The following TAFA5 variants were observed in gnomAD, a reference collection of about 807,000 sequenced individuals.
TAFA5 encodes TAFA chemokine like family member 5, also known as chemokine-like protein TAFA-5.
In TAFA5, 6 loss-of-function variants were observed where a neutral mutation model predicts 15.3. The observed-to-expected ratio is 0.39, with a 90% confidence interval of 0.21 to 0.77. The LOEUF is 0.77. Ranked by LOEUF, TAFA5 falls within the 30% of genes least tolerant of loss-of-function variation. The pLI is 0.41. For missense variants in TAFA5, 161 were observed against 193.1 expected (o/e 0.83, Z 0.98); for synonymous variants, 103 against 80.7 (o/e 1.28, Z -1.48).
At chr22:48,678,458 C>T (rs1306943738) in intron 2 of TAFA5, among the ~76,000 whole-genome samples, 5 of 152,236 alleles carry the variant, frequency 3.3e-5, no homozygotes, top group East Asian at 3.9e-4. Flanking sequence ...GGGCACCAGG[C>T]GAGAATGCTG....
intron 2 of TAFA5, among the ~76,000 whole-genome samples, chr22:48,652,291 A>G (rs1284489635): frequency 6.6e-6 from 1 of 152,232 alleles, no homozygotes; most frequent in African/African-American, 2.4e-5. Context: ...GTCAGCCTGC[A>G]TCTACCAGTT....
chr22:48,683,432 C>G (rs771852635), intron 2 of TAFA5, among the ~76,000 whole-genome samples: 1 of 152,218 alleles, frequency 6.6e-6, no homozygotes, highest in Admixed American at 6.5e-5. Flanking sequence ...CTCCTCTCAC[C>G]TATTTTGCTT....
At chr22:48,563,053 G>A (rs774729228) in intron 1 of TAFA5, among the ~76,000 whole-genome samples, 5 of 152,208 alleles carry the variant, frequency 3.3e-5, no homozygotes, top group African/African-American at 1.2e-4. Context: ...CTGCACAGCC[G>A]CAACTGACCT....
intron 3 of TAFA5, among the ~76,000 whole-genome samples, chr22:48,749,576 G>A (rs1377377521): frequency 6.6e-6 from 1 of 152,210 alleles, no homozygotes; most frequent in South Asian, 2.1e-4. Flanking sequence ...AGTGGGGTGG[G>A]AAGGCCTCTG....
chr22:48,711,173 G>A (rs542712940), intron 3 of TAFA5, among the ~76,000 whole-genome samples: 1 of 152,138 alleles, frequency 6.6e-6, no homozygotes, highest in Non-Finnish European at 1.5e-5. Context: ...GAGGAAGGAC[G>A]GCTGTCCACT....
At chr22:48,726,987 G>T (rs749752128) in intron 3 of TAFA5, among the ~76,000 whole-genome samples, 7 of 152,110 alleles carry the variant, frequency 4.6e-5, no homozygotes, top group South Asian at 2.1e-4. Flanking sequence ...TGTATCTTCC[G>T]TACGGGGTCA....
In TAFA5 at chr22:48,556,763, C is replaced by G. The variant is rs1036398277; in HGVS notation, c.112+67059C>G. Among the ~76,000 whole-genome samples, 6 of 152,052 alleles carry G rather than the reference C, an allele frequency of 3.9e-5. No homozygotes were observed. In the East Asian group the frequency reaches 1.2e-3, roughly 29 times the overall value. On this transcript the variant is annotated intron_variant, in intron 1 of 3. Coordinates refer to ENST00000402357, the MANE Select transcript of TAFA5 (RefSeq NM_001082967.3). ...CCCCTCGAGGCTGTTCTCAGGGACA[C>G]CCCCCTAGGCAGGGTCCCACCTGAT...
chr22:48,543,874 C>T (rs1922559037), intron 1 of TAFA5: 1 of 152,340 alleles, frequency 6.6e-6, no homozygotes, highest in Non-Finnish European at 1.5e-5. Context: ...TCATTCTCCA[C>T]CTGGAGAGGC....
chr22:48,581,417 C>A (rs1037591022), intron 1 of TAFA5, among the ~76,000 whole-genome samples: 2 of 152,252 alleles, frequency 1.3e-5, no homozygotes, highest in East Asian at 1.9e-4. Flanking sequence ...GGAAACTCAT[C>A]AGTCTCCCAT....
chr22:48,711,172 C>T (rs931492461), intron 3 of TAFA5, among the ~76,000 whole-genome samples: 2 of 152,128 alleles, frequency 1.3e-5, no homozygotes, highest in African/African-American at 2.4e-5. Flanking sequence ...AGAGGAAGGA[C>T]GGCTGTCCAC....
chr22:48,490,676 G>C lies in TAFA5; in HGVS notation c.112+972G>C, dbSNP rs926821390. 1.3e-5 allele frequency among the ~76,000 whole-genome samples: 2 copies of C among 150,824 alleles called. No homozygotes were observed. The highest frequency in any genetic ancestry group is 4.9e-5 in the African/African-American group (2 of 40,744). On this transcript the variant is annotated intron_variant, in intron 1 of 3. Coordinates refer to ENST00000402357, the MANE Select transcript of TAFA5 (RefSeq NM_001082967.3). The surrounding 1 kb of genome is among the most constrained non-coding windows in gnomAD (Gnocchi z 5.8). ...GTCGGCTTCAGCTCCGGGAGCTCCG[G>C]GCTTCTTGTCTTCAGCGGGAGAATA...
chr22:48,624,504 G>A (rs545104805), intron 1 of TAFA5, among the ~76,000 whole-genome samples: 29 of 152,138 alleles, frequency 1.9e-4, no homozygotes, highest in Non-Finnish European at 2.9e-4. Context: ...TTTCGTAATC[G>A]GTTCAGTCAC....
chr22:48,699,989 G>A (rs901661276), intron 2 of TAFA5, among the ~76,000 whole-genome samples: 3 of 152,016 alleles, frequency 2.0e-5, no homozygotes, highest in African/African-American at 7.2e-5. Flanking sequence ...GGAGTGGATG[G>A]GCCTTTGCTG....
rs571985874 is a variant in TAFA5 at position 48,738,825 on chromosome 22, G to A, written c.391-11014G>A. On this transcript the variant is annotated intron_variant, in intron 3 of 3. Transcript: ENST00000402357. ...CTTCAGTCCTGAGAGTTAATCGGCCGTCGCAGGCAGCCCGACATGGCACCT... is the reference window on the plus strand; with the variant it reads ...CTTCAGTCCTGAGAGTTAATCGGCCATCGCAGGCAGCCCGACATGGCACCT... 7.2e-5 allele frequency among the ~76,000 whole-genome samples: 11 copies of A among 152,302 alleles called. No homozygotes were observed. The South Asian group carries it at 8.3e-4, about 11-fold the overall frequency.
intron 2 of TAFA5, among the ~76,000 whole-genome samples, chr22:48,695,244 C>T (rs1928674042): frequency 6.6e-6 from 1 of 152,140 alleles, no homozygotes; most frequent in South Asian, 2.1e-4. Context: ...TTGATTGAAT[C>T]CTCCATCACC....
At chr22:48,663,614 A>G (rs886942762) in intron 2 of TAFA5, among the ~76,000 whole-genome samples, 2 of 152,250 alleles carry the variant, frequency 1.3e-5, no homozygotes, top group African/African-American at 4.8e-5. Context: ...GGTAGTCCAA[A>G]AATATTAAAT....
chr22:48,655,596 A>G (rs1038917013), intron 2 of TAFA5, among the ~76,000 whole-genome samples: 2 of 152,116 alleles, frequency 1.3e-5, no homozygotes, highest in African/African-American at 4.8e-5. Flanking sequence ...TGACCTGAAC[A>G]TCGGTCAAAG....
intron 2 of TAFA5, among the ~76,000 whole-genome samples, chr22:48,698,543 A>G (rs1463860285): frequency 2.0e-5 from 3 of 151,430 alleles, no homozygotes; most frequent in Non-Finnish European, 4.4e-5. Context: ...GGTTCTACCC[A>G]TGATGGGAGG....
intron 2 of TAFA5, among the ~76,000 whole-genome samples, chr22:48,684,757 A>T (rs988983464): frequency 6.6e-5 from 10 of 152,124 alleles, no homozygotes; most frequent in African/African-American, 2.2e-4. Context: ...GAGAACTCCA[A>T]TTCCTTGGAA....
Sources: gnomAD v4.1 joint callset for allele counts (sites outside exome capture counted in the v4.1 genomes callset) on GRCh38, gnomAD v4.1.1 for gene constraint, Gnocchi (gnomAD v3.1) non-coding constraint, MANE v1.5 for transcripts, NCBI Gene and HGNC (gene_info 2026-07-23, HGNC 2026-07-21) for gene names.